Variants in CCSER2 observed in about 807,000 individuals in gnomAD.
CCSER2 encodes the protein serine-rich coiled-coil domain-containing protein 2.
In CCSER2, 46 loss-of-function variants were observed where a neutral mutation model predicts 92.3. The observed-to-expected ratio is 0.50, with a 90% CI of 0.39 to 0.64. The LOEUF (loss-of-function observed/expected upper bound fraction) is 0.64. CCSER2 is among the 30% of genes least tolerant of loss of function. The pLI is 0.00. For synonymous variants in CCSER2, 433 were observed against 431.4 expected (o/e 1.00, Z -0.04); for missense variants, 1,244 against 1,238.9 (o/e 1.00, Z -0.06).
intron 3 of CCSER2, chr10:84,391,005 C>T (rs915683497): frequency 1.3e-4 from 101 of 772,726 alleles, no homozygotes; most frequent in Middle Eastern, 9.1e-4. Flanking sequence ...AGAACCTGCT[C>T]GTGCTTTACA....
intron 1 of CCSER2, among the ~76,000 whole-genome samples, chr10:84,329,980 T>C (rs1001293319): frequency 2.6e-5 from 4 of 152,356 alleles, no homozygotes; most frequent in African/African-American, 9.6e-5. Flanking sequence ...CATACTGTCG[T>C]ACTTCAGCAT....
At chr10:84,476,435 C>CTTTTTTT (rs35978182) in intron 8 of CCSER2, among the ~76,000 whole-genome samples, 3 of 58,508 alleles carry the variant, frequency 5.1e-5, no homozygotes, top group Admixed American at 2.8e-4. Context: ...AATTCTCTCT[C>CTTTTTTT]TTTTTTTTTT....
intron 3 of CCSER2, among the ~76,000 whole-genome samples, chr10:84,409,927 T>G (rs1259273638): frequency 6.6e-6 from 1 of 151,238 alleles, no homozygotes; most frequent in Non-Finnish European, 1.5e-5. Context: ...CCCCCTGCCC[T>G]CTGCTAGGTC....
chr10:84,422,510 T>A (rs1236886894), intron 4 of CCSER2, among the ~76,000 whole-genome samples: 1 of 152,202 alleles, frequency 6.6e-6, no homozygotes, highest in Non-Finnish European at 1.5e-5. Flanking sequence ...TCTTATCTCA[T>A]GCTAAAGACT....
intron 6 of CCSER2, among the ~76,000 whole-genome samples, chr10:84,463,137 A>C (rs1449480822): frequency 2.6e-5 from 4 of 152,204 alleles, no homozygotes; most frequent in Non-Finnish European, 4.4e-5. Flanking sequence ...AGTTCAGCAA[A>C]GGGTGGAACT....
intron 9 of CCSER2, among the ~76,000 whole-genome samples, chr10:84,491,835 G>A (rs35793991): frequency 0.058 from 8,860 of 152,218 alleles, 370 homozygotes; most frequent in Admixed American, 0.1. Context: ...GGTTGCTCAC[G>A]CTGGGAGCTG....
chr10:84,481,918 G>A (rs1220590356), intron 9 of CCSER2, among the ~76,000 whole-genome samples: 1 of 152,098 alleles, frequency 6.6e-6, no homozygotes, highest in African/African-American at 2.4e-5. Context: ...GTAGCCTGTA[G>A]CTACATGTGA....
intron 6 of CCSER2, among the ~76,000 whole-genome samples, chr10:84,449,051 A>G (rs553464523): frequency 2.2e-4 from 33 of 152,342 alleles, no homozygotes; most frequent in African/African-American, 7.7e-4. Context: ...CTACGTTTCA[A>G]TGATGAAAGT....
intron 6 of CCSER2, among the ~76,000 whole-genome samples, chr10:84,441,789 C>G (rs549169052): frequency 9.1e-6 from 1 of 110,146 alleles, no homozygotes; most frequent in Non-Finnish European, 1.7e-5. Flanking sequence ...GACGAAGTCT[C>G]GCTGTCTCTC....
chr10:84,437,882 T>C (rs540703294), intron 5 of CCSER2, among the ~76,000 whole-genome samples: 2 of 152,146 alleles, frequency 1.3e-5, no homozygotes, highest in Admixed American at 1.3e-4. Context: ...TGGGGTAATT[T>C]TTTGTATTTT....
chr10:84,353,664 A>G (rs1038911086), intron 1 of CCSER2, among the ~76,000 whole-genome samples: 15 of 152,232 alleles, frequency 9.9e-5, no homozygotes, highest in African/African-American at 3.6e-4. Context: ...CACAGGCACA[A>G]TGTTTACCAT....
chr10:84,409,785 A>G (rs1782509119), intron 3 of CCSER2, among the ~76,000 whole-genome samples: 1 of 152,206 alleles, frequency 6.6e-6, no homozygotes. Context: ...TTATGGGTAC[A>G]TGTACAGGAC....
intron 7 of CCSER2, among the ~76,000 whole-genome samples, chr10:84,468,127 C>T (rs1039762722): frequency 2.0e-5 from 3 of 152,144 alleles, no homozygotes; most frequent in Non-Finnish European, 2.9e-5. Context: ...TGTGCAACAG[C>T]GACACTGCTT....
chr10:84,444,478 T>A (rs902623571), intron 6 of CCSER2, among the ~76,000 whole-genome samples: 1 of 152,154 alleles, frequency 6.6e-6, no homozygotes, highest in Admixed American at 6.5e-5. Context: ...GTAGGTAATA[T>A]TGGCTTCACC....
At chr10:84,368,914 T>C (rs12411425) in intron 1 of CCSER2, among the ~76,000 whole-genome samples, 31,922 of 152,116 alleles carry the variant, frequency 0.21, 3,606 homozygotes, top group Admixed American at 0.34. Flanking sequence ...AACTTAGCTC[T>C]TAATTACAAG....
chr10:84,460,323 C>T (rs1370608373), intron 6 of CCSER2, among the ~76,000 whole-genome samples: 4 of 148,196 alleles, frequency 2.7e-5, no homozygotes, highest in Admixed American at 2.0e-4. Context: ...AGGCTCATCT[C>T]AAACTCCTGA....
chr10:84,418,200 C>T (rs1309132427), intron 4 of CCSER2, among the ~76,000 whole-genome samples: 1 of 152,046 alleles, frequency 6.6e-6, no homozygotes, highest in Non-Finnish European at 1.5e-5. Flanking sequence ...AGAAACATAC[C>T]ATCTTACTTG....
chr10:84,382,369 G>A (rs757882437), intron 3 of CCSER2, among the ~76,000 whole-genome samples: 1 of 152,088 alleles, frequency 6.6e-6, no homozygotes, highest in Non-Finnish European at 1.5e-5. Flanking sequence ...TAATAGGTTA[G>A]GAAGTAGTTT....
At chr10:84,404,996 A>C (rs1842307182) in intron 3 of CCSER2, among the ~76,000 whole-genome samples, 1 of 152,194 alleles carries the variant, frequency 6.6e-6, no homozygotes, top group African/African-American at 2.4e-5. Context: ...ATGCAATACC[A>C]ATCAGAATCC....
Sources: gnomAD v4.1 joint callset for allele counts (sites outside exome capture counted in the v4.1 genomes callset) on GRCh38, gnomAD v4.1.1 for gene constraint, MANE v1.5 for transcripts, NCBI Gene and HGNC (gene_info 2026-07-23, HGNC 2026-07-21) for gene names.